NBAS: variants seen among roughly 807,000 people sequenced by gnomAD.
NBAS encodes the protein NAG/BC035112 fusion.
In NBAS, 219 loss-of-function variants were observed where a neutral mutation model predicts 302.5. The ratio of observed to expected loss-of-function variants is 0.72; its 90% CI spans 0.65 to 0.81. The LOEUF (loss-of-function observed/expected upper bound fraction) is 0.81, where lower values mean the gene tolerates loss of function less well. Among genes scored for constraint, NBAS ranks in the 30% least tolerant of loss-of-function variants. NBAS has a pLI of 0.00. For synonymous variants in NBAS, 1,118 were observed against 1,021.6 expected (o/e 1.09, Z -1.80); for missense variants, 2,932 against 2,841.6 (o/e 1.03, Z -0.72).
chr2:15,426,427 C>T (rs1677481379), intron 22 of NBAS, among the ~76,000 whole-genome samples: 1 of 152,146 alleles, frequency 6.6e-6, no homozygotes, highest in South Asian at 2.1e-4. Context: ...CCCTCTATTA[C>T]CCATGGCATC....
intron 47 of NBAS, among the ~76,000 whole-genome samples, chr2:15,227,740 C>T (rs1422167084): frequency 3.3e-5 from 5 of 152,088 alleles, no homozygotes; most frequent in Admixed American, 2.0e-4. Flanking sequence ...GGGAAAAGTA[C>T]AGTCTCTTCA....
At chr2:14,875,659 CAAT>C in the NBAS span, among the ~76,000 whole-genome samples, 1 of 151,836 alleles carries the variant, frequency 6.6e-6, no homozygotes, top group Non-Finnish European at 1.5e-5. Context: ...AAATTAGCCA[CAAT>C]AAAATATTAA....
intron 10 of NBAS, among the ~76,000 whole-genome samples, chr2:15,507,556 T>C (rs1395343335): frequency 6.6e-6 from 1 of 152,224 alleles, no homozygotes; most frequent in Non-Finnish European, 1.5e-5. Flanking sequence ...TTACATATAT[T>C]ACTTCATTTA....
intron 9 of NBAS, among the ~76,000 whole-genome samples, chr2:15,511,803 T>G (rs1436554969): frequency 1.3e-5 from 2 of 152,146 alleles, no homozygotes; most frequent in Non-Finnish European, 1.5e-5. Flanking sequence ...AGAGCAATAA[T>G]TATACCAAAA....
chr2:14,925,765 G>A, the NBAS span, among the ~76,000 whole-genome samples: 7 of 152,126 alleles, frequency 4.6e-5, no homozygotes, highest in African/African-American at 1.7e-4. Flanking sequence ...TTTTGTCTTT[G>A]TAACTATACT....
At chr2:14,934,132 A>T in the NBAS span, among the ~76,000 whole-genome samples, 3 of 152,264 alleles carry the variant, frequency 2.0e-5, no homozygotes, top group African/African-American at 7.2e-5. Context: ...ATCATTTTGT[A>T]TTTAAATAAT....
chr2:14,838,286 A>G, the NBAS span, among the ~76,000 whole-genome samples: 2 of 151,764 alleles, frequency 1.3e-5, no homozygotes, highest in African/African-American at 2.4e-5. Context: ...TCTATTCTAA[A>G]TATTGTCTTC....
At chr2:15,400,766 A>G (rs1364272106) in intron 26 of NBAS, among the ~76,000 whole-genome samples, 1 of 152,110 alleles carries the variant, frequency 6.6e-6, no homozygotes, top group Non-Finnish European at 1.5e-5. Context: ...AGGCTCCTTT[A>G]TTTTAGAAAA....
chr2:14,967,323 C>A, the NBAS span, among the ~76,000 whole-genome samples: 1 of 152,034 alleles, frequency 6.6e-6, no homozygotes, highest in Non-Finnish European at 1.5e-5. Context: ...TTCTAAGGAT[C>A]TAGAATAGAC....
At chr2:14,825,734 T>C in the NBAS span, among the ~76,000 whole-genome samples, 1 of 152,056 alleles carries the variant, frequency 6.6e-6, no homozygotes, top group Non-Finnish European at 1.5e-5. Flanking sequence ...ATTTGTTAAA[T>C]TGGGGGAAAG....
At chr2:15,475,015 C>A (rs1306877688) in intron 14 of NBAS, among the ~76,000 whole-genome samples, 1 of 152,190 alleles carries the variant, frequency 6.6e-6, no homozygotes, top group Admixed American at 6.5e-5. Context: ...TCCCTCACCC[C>A]CTTATAAAGA....
the NBAS span, among the ~76,000 whole-genome samples, chr2:14,805,103 C>A: frequency 6.6e-6 from 1 of 152,068 alleles, no homozygotes; most frequent in Non-Finnish European, 1.5e-5. Context: ...AGTCATTATC[C>A]GCCACAGGAT....
chr2:15,236,766 T>A (rs1450619690), intron 45 of NBAS, among the ~76,000 whole-genome samples: 1 of 152,112 alleles, frequency 6.6e-6, no homozygotes, highest in Non-Finnish European at 1.5e-5. Flanking sequence ...GTTAGTAGGA[T>A]AAAATCAAGA....
chr2:15,539,503 A>AG (rs1293999823), intron 6 of NBAS, 147 bp from the exon 7 acceptor site: 15 of 1,014,992 alleles, frequency 1.5e-5, no homozygotes, highest in Middle Eastern at 3.0e-4. Context: ...TCAATAAAAA[A>AG]GAGCAGTTTC....
At chr2:15,048,966 G>A in the NBAS span, among the ~76,000 whole-genome samples, 1 of 152,212 alleles carries the variant, frequency 6.6e-6, no homozygotes, top group Non-Finnish European at 1.5e-5. Context: ...TCCAGAGCAG[G>A]GGCCAGGCCA....
At chr2:15,199,484 T>C (rs1665778798) in intron 48 of NBAS, among the ~76,000 whole-genome samples, 1 of 152,076 alleles carries the variant, frequency 6.6e-6, no homozygotes, top group Non-Finnish European at 1.5e-5. Context: ...GTATGAGGAG[T>C]ACAGAGATCT....
chr2:15,407,012 A>C (rs946805223), intron 25 of NBAS, among the ~76,000 whole-genome samples: 68 of 152,318 alleles, frequency 4.5e-4, no homozygotes, highest in African/African-American at 1.6e-3. Context: ...TTTTAAACCC[A>C]GCAGTCTCCT....
intron 25 of NBAS, among the ~76,000 whole-genome samples, chr2:15,403,770 T>C (rs1474036338): frequency 6.6e-6 from 1 of 152,064 alleles, no homozygotes; most frequent in Non-Finnish European, 1.5e-5. Context: ...AGTGACTAAC[T>C]GGTAAAATAG....
At position 15,247,598 on chromosome 2, in the gene NBAS, A is replaced by G. The variant is rs188338566; in HGVS notation, c.5725-8912T>C. Among the ~76,000 whole-genome samples the G allele has an allele frequency of 2.6e-5, 4 of 152,142 alleles. No homozygotes were observed. In the East Asian group the frequency reaches 5.8e-4, roughly 22 times the overall value. On this transcript the variant is annotated intron_variant, in intron 44 of 51. Coordinates refer to ENST00000281513, the MANE Select transcript of NBAS (RefSeq NM_015909.4). ...TGATACAACAGAATTTAAACCAACA[A>G]AGATCAAAAGAGACAAAGAAGGGCA...
Sources: gnomAD v4.1 joint callset for allele counts (sites outside exome capture counted in the v4.1 genomes callset) on GRCh38, gnomAD v4.1.1 for gene constraint, MANE v1.5 for transcripts, NCBI Gene and HGNC (gene_info 2026-07-23, HGNC 2026-07-21) for gene names.